The following BRAF variants were observed in gnomAD, a reference collection of about 807,000 sequenced individuals.
BRAF encodes B-Raf proto-oncogene, serine/threonine kinase.
Under a neutral mutation model 104.6 loss-of-function variants are expected in BRAF, and 16 were observed. The observed-to-expected ratio is 0.15, with a 90% CI of 0.10 to 0.23. BRAF has a LOEUF of 0.23. Among genes scored for constraint, BRAF ranks in the 10% least tolerant of loss-of-function variants. The pLI is 1.00. For missense variants in BRAF, 541 were observed against 937.3 expected (o/e 0.58, Z 5.52); for synonymous variants, 310 against 341.6 (o/e 0.91, Z 1.02).
At chr7:140,786,133 A>G (rs1801327536) in intron 9 of BRAF, among the ~76,000 whole-genome samples, 1 of 152,214 alleles carries the variant, frequency 6.6e-6, no homozygotes, top group Non-Finnish European at 1.5e-5. Context: ...AAGACATACG[A>G]AAGTCAAACT....
At chr7:140,751,950 T>C (rs1478177810) in intron 16 of BRAF, among the ~76,000 whole-genome samples, 5 of 152,228 alleles carry the variant, frequency 3.3e-5, no homozygotes, top group African/African-American at 1.2e-4. Flanking sequence ...AGCTTAGAGC[T>C]GTGTTTTTCA....
intron 1 of BRAF, among the ~76,000 whole-genome samples, chr7:140,901,492 G>C (rs1417007235): frequency 6.6e-6 from 1 of 152,162 alleles, no homozygotes; most frequent in East Asian, 1.9e-4. Context: ...CCTCTTTAAA[G>C]CTTCCACAGA....
chr7:140,782,873 A>G, intron 11 of BRAF, 148 bp downstream of exon 10: 1 of 1,041,420 alleles, frequency 9.6e-7, no homozygotes, highest in Non-Finnish European at 1.4e-6. Flanking sequence ...ATATGCTTTA[A>G]GCAAAAAACT....
At chr7:140,889,966 G>C (rs1814032223) in intron 1 of BRAF, among the ~76,000 whole-genome samples, 2 of 152,220 alleles carry the variant, frequency 1.3e-5, no homozygotes, top group Non-Finnish European at 2.9e-5. Flanking sequence ...CCTTAGGCAA[G>C]CTGCATAACC....
chr7:140,714,805 T>TGGCACTGGGTGA (rs1795101134), downstream of BRAF, among the ~76,000 whole-genome samples: 1 of 152,082 alleles, frequency 6.6e-6, no homozygotes, highest in Non-Finnish European at 1.5e-5. Context: ...GTGGAGGAAA[T>TGGCACTGGGTGA]GGCACTGGGT....
At chr7:140,795,780 C>T (rs1802436105) in intron 7 of BRAF, among the ~76,000 whole-genome samples, 1 of 151,872 alleles carries the variant, frequency 6.6e-6, no homozygotes, top group Non-Finnish European at 1.5e-5. Context: ...ATATTATGTA[C>T]TAAAAAAAAA....
rs1800594049 is a variant in BRAF, at chr7:140,779,017, T to TCA, written c.1553-944_1553-943dup. On this transcript the variant is annotated intron_variant, in intron 12 of 19. Coordinates refer to ENST00000644969, the MANE Select transcript of BRAF (RefSeq NM_001374258.1). ...GATGAAAGAAGAAATCATGTTATAG[T>TCA]CACACAATGAAATACTGTAAAGAGA... 7.9e-5 allele frequency among the ~76,000 whole-genome samples: 12 copies of TCA among 152,140 alleles called. No homozygotes were observed. The South Asian group carries it at 2.5e-3, about 32-fold the overall frequency.
chr7:140,859,097 GAAGAA>G (rs1810116667), intron 1 of BRAF, among the ~76,000 whole-genome samples: 2 of 152,144 alleles, frequency 1.3e-5, no homozygotes. Flanking sequence ...AAAGAATCTA[GAAGAA>G]AAGTCTAACA....
chr7:140,741,353 C>G (rs1796900941), intron 17 of BRAF: 1 of 152,088 alleles, frequency 6.6e-6, no homozygotes, highest in Admixed American at 6.5e-5. Context: ...GAAGACTATC[C>G]CAATACAAAG....
rs2130817350 is a variant in BRAF at position 140,720,761 on chromosome 7, C to T, written c.*5733G>A. 2.8e-6 allele frequency: 3 copies of T among 1,066,030 alleles called. No individual in the cohort carries two copies. The highest frequency in any genetic ancestry group is 3.4e-6 in the Non-Finnish European group (3 of 879,712). The allele number at this position is 1,066,030 out of a possible 1,614,324, so 66.0% of individuals were successfully genotyped here. On this transcript the variant is annotated 3_prime_UTR_variant, in exon 20 of 20. Coordinates refer to ENST00000644969, the MANE Select transcript of BRAF (RefSeq NM_001374258.1). Reference sequence around the variant, plus strand: ...GCAGTGACTTCCAACTCATACTCCACCAAAACACACGTGGGTTCAAAAACT... The same window carrying T: ...GCAGTGACTTCCAACTCATACTCCATCAAAACACACGTGGGTTCAAAAACT...
rs1800323168 is a variant in BRAF at position 140,776,189 on chromosome 7, G to GC, written c.1814+722dup. ...GACATAATAATCTATGTAAGTGAAA[G>GC]CAATTTGTAAAAAACAAAATTCAGA... On this transcript the variant is annotated intron_variant, in intron 14 of 19. Transcript: ENST00000644969. Among the ~76,000 whole-genome samples, 6 of 152,218 alleles carry GC rather than the reference G, an allele frequency of 3.9e-5. No individual in the cohort carries two copies. In the South Asian group the frequency reaches 1.2e-3, roughly 32 times the overall value.
intron 8 of BRAF, 36 bp downstream of exon 8, chr7:140,794,272 G>A: frequency 6.2e-7 from 1 of 1,606,354 alleles, no homozygotes; most frequent in Non-Finnish European, 8.5e-7. Context: ...ATACATACTT[G>A]GTTTTTTTTT....
chr7:140,725,864 T>C lies in BRAF; in HGVS notation c.*630A>G. ...TCAGGAAGAAGATGCAGCATGCCCT[T>C]TTCCTCCATACCAAGACACATCTAC... On this transcript the variant is annotated 3_prime_UTR_variant, in exon 20 of 20. Transcript: ENST00000644969. The C allele has an allele frequency of 9.4e-7, 1 of 1,062,862 alleles. No homozygotes were observed. Among genetic ancestry groups the C allele is most frequent in the Non-Finnish European group, 1.1e-6 (1 of 877,818 alleles). The allele number at this position is 1,062,862 out of a possible 1,614,324, so 65.8% of individuals were successfully genotyped here.
chr7:140,795,925 C>A (rs1225591986), intron 7 of BRAF, among the ~76,000 whole-genome samples: 1 of 151,872 alleles, frequency 6.6e-6, no homozygotes, highest in Non-Finnish European at 1.5e-5. Context: ...TTTATTTTTG[C>A]TTTAGGTAGC....
intron 2 of BRAF, among the ~76,000 whole-genome samples, chr7:140,845,138 G>A (rs1201796784): frequency 6.6e-6 from 1 of 152,100 alleles, no homozygotes; most frequent in Non-Finnish European, 1.5e-5. Context: ...TTTCGACAAG[G>A]GTGCCAAGGC....
At chr7:140,791,439 G>A (rs935870396) in intron 8 of BRAF, among the ~76,000 whole-genome samples, 6 of 152,120 alleles carry the variant, frequency 3.9e-5, no homozygotes, top group African/African-American at 1.2e-4. Flanking sequence ...TCTGGGGCTA[G>A]ACTTAGGAAG....
intron 3 of BRAF, among the ~76,000 whole-genome samples, chr7:140,811,799 A>T (rs1435555110): frequency 6.6e-6 from 1 of 152,232 alleles, no homozygotes; most frequent in Non-Finnish European, 1.5e-5. Flanking sequence ...GGCTCATTTA[A>T]ATAATAATAA....
intron 18 of BRAF, among the ~76,000 whole-genome samples, chr7:140,739,479 C>A (rs1263216913): frequency 1.4e-5 from 2 of 143,688 alleles, no homozygotes; most frequent in East Asian, 4.1e-4. Context: ...GTTTTAATTT[C>A]TAATAAGGAA....
chr7:140,887,664 C>T (rs1050978811), intron 1 of BRAF, among the ~76,000 whole-genome samples: 2 of 152,102 alleles, frequency 1.3e-5, no homozygotes, highest in African/African-American at 4.8e-5. Flanking sequence ...TATAGGTAGG[C>T]TACATTATTT....
Sources: gnomAD v4.1 joint callset for allele counts (sites outside exome capture counted in the v4.1 genomes callset) on GRCh38, gnomAD v4.1.1 for gene constraint, MANE v1.5 for transcripts, NCBI Gene and HGNC (gene_info 2026-07-23, HGNC 2026-07-21) for gene names.